Variants in FKBP15 observed in about 807,000 individuals in gnomAD.
The protein encoded by FKBP15 is FK506-binding protein 15.
A neutral mutation model predicts 158.1 loss-of-function variants in FKBP15; 106 were observed. That is an observed-to-expected ratio of 0.67 (90% CI 0.57 to 0.79). FKBP15 has a LOEUF of 0.79. Ranked by LOEUF, FKBP15 falls within the 30% of genes least tolerant of loss-of-function variation. The pLI is 0.00. For missense variants in FKBP15, 1,287 were observed against 1,479.1 expected, an observed-to-expected ratio of 0.87 and a Z score of 2.13; for synonymous variants, 547 against 548.6, an observed-to-expected ratio of 1.00 and a Z score of 0.04.
chr9:113,162,798 G>T lies in FKBP15; in HGVS notation c.*3280C>A, dbSNP rs986670585. ...GTCTCTAATCCATGTCATCCAGGTG[G>T]TCATCGGCTACTTCATCATGCTGGC... On this transcript the variant is annotated 3_prime_UTR_variant, in exon 28 of 28. Coordinates refer to ENST00000238256, the MANE Select transcript of FKBP15 (RefSeq NM_015258.2). The T allele has an allele frequency of 6.2e-7, 1 of 1,613,700 alleles. No individual in the cohort carries two copies. The highest frequency in any genetic ancestry group is 1.3e-5 in the African/African-American group (1 of 74,988).
Position 113,168,496 on chromosome 9 carries a change from G to A in FKBP15, c.3546C>T (p.Pro1182=), listed in dbSNP as rs765998514. Reference sequence around the variant, plus strand: ...CATCCTCCTCCTCAGGCTGTGCTTTGGGCCTCAGAGCTTTCAGAGTTGCCC... The same window carrying A: ...CATCCTCCTCCTCAGGCTGTGCTTTAGGCCTCAGAGCTTTCAGAGTTGCCC... ...FKGATLKALR[P]KAQPEEEDED... The change falls in exon 27 of 28, where the codon CCC becomes CCT. Residue 1182 remains proline (P), a synonymous_variant. Coordinates refer to ENST00000238256, the MANE Select transcript of FKBP15 (RefSeq NM_015258.2). 1.2e-6 allele frequency: 2 copies of A among 1,613,964 alleles called. No individual in the cohort carries two copies. Among genetic ancestry groups the A allele is most frequent in the Non-Finnish European group, 1.7e-6 (2 of 1,179,870 alleles).
rs569032987 is a variant in FKBP15 at position 113,180,031 on chromosome 9, C to T, written c.1915-1230G>A. On this transcript the variant is annotated intron_variant, in intron 19 of 27. Transcript: ENST00000238256. ...GAGCTCAGAGAGCTTTGCATCTATT[C>T]ATAGCTCAGAGTTCACTAATAACAG... 3.9e-5 allele frequency among the ~76,000 whole-genome samples: 6 copies of T among 152,280 alleles called. No individual in the cohort carries two copies. In the East Asian group the frequency reaches 1.2e-3, roughly 29 times the overall value.
At chr9:113,214,156 G>A (rs1204594237) in intron 1 of FKBP15, among the ~76,000 whole-genome samples, 1 of 152,058 alleles carries the variant, frequency 6.6e-6, no homozygotes, top group Non-Finnish European at 1.5e-5. Flanking sequence ...CAAGAAACCT[G>A]GCTAATTTCT....
chr9:113,193,573 C>T (rs1445450454), intron 10 of FKBP15, 24 bp from the exon 11 acceptor site: 5 of 1,580,718 alleles, frequency 3.2e-6, no homozygotes, highest in East Asian at 4.6e-5. Flanking sequence ...GACCATATTC[C>T]AAGATTGAAA....
chr9:113,218,377 T>TTTTATATATATA (rs1346739916), intron 1 of FKBP15, among the ~76,000 whole-genome samples: 3 of 101,500 alleles, frequency 3.0e-5, no homozygotes, highest in African/African-American at 1.2e-4. Flanking sequence ...GTAAATACAA[T>TTTTATATATATA]TATATATATA....
At chr9:113,203,079 G>T in intron 4 of FKBP15, 44 bp from the exon 5 acceptor site, 1 of 1,338,422 alleles carries the variant, frequency 7.5e-7, no homozygotes, top group South Asian at 1.3e-5. Context: ...AAGAGAGACA[G>T]CAGAAGTTAA....
At chr9:113,173,754 T>C (rs2118869238) in intron 22 of FKBP15, 149 bp from the exon 23 acceptor site, 2 of 778,924 alleles carry the variant, frequency 2.6e-6, no homozygotes, top group Middle Eastern at 7.9e-4. Context: ...TCATTACTTT[T>C]AAAATAAATG....
At chr9:113,177,985 ATTTT>A (rs202168159) in intron 20 of FKBP15, among the ~76,000 whole-genome samples, 1 of 151,878 alleles carries the variant, frequency 6.6e-6, no homozygotes, top group Non-Finnish European at 1.5e-5. Context: ...GAGATAAAGG[ATTTT>A]TTTTTAAAGA....
Position 113,198,989 on chromosome 9 carries a change from C to A in FKBP15, c.649-66G>T. 2 of 1,028,100 alleles carry A rather than the reference C, an allele frequency of 1.9e-6. No homozygotes were observed. Among genetic ancestry groups the A allele is most frequent in the South Asian group, 2.7e-5 (2 of 73,236 alleles). 63.7% of individuals were successfully genotyped at this position (1,028,100 alleles called of 1,614,324 possible). ...AAATAATAATAACCATTATGATATT[C>A]AACTAACTACATACCAGCACACTAC... On this transcript the variant is annotated intron_variant, in intron 7 of 27. Transcript: ENST00000238256. The surrounding 1 kb of genome is among the most constrained non-coding windows in gnomAD (Gnocchi z 5.2).
chr9:113,218,400 T>C (rs964511841), intron 1 of FKBP15, among the ~76,000 whole-genome samples: 1 of 128,600 alleles, frequency 7.8e-6, no homozygotes, highest in Middle Eastern at 4.2e-3. Flanking sequence ...TATATATATA[T>C]ATATATATAT....
intron 24 of FKBP15, 75 bp downstream of exon 24, chr9:113,171,506 A>G (rs1049107492): frequency 6.6e-7 from 1 of 1,519,860 alleles, no homozygotes; most frequent in Non-Finnish European, 8.9e-7. Flanking sequence ...AGAGCTATTA[A>G]CACAACATAC....
intron 1 of FKBP15, 70 bp downstream of exon 1, chr9:113,221,121 C>A: frequency 2.7e-6 from 4 of 1,484,428 alleles, no homozygotes; most frequent in Non-Finnish European, 2.7e-6. Flanking sequence ...GAGAAGAGAT[C>A]GACCCCCCTC....
At chr9:113,182,655 TGCAGTGAC>T in intron 19 of FKBP15, 103 bp downstream of exon 19, 1 of 760,992 alleles carries the variant, frequency 1.3e-6, no homozygotes, top group Non-Finnish European at 2.3e-6. Context: ...TAGTTCTTTT[TGCAGTGAC>T]TGCAAAAATT....
In FKBP15 at chr9:113,195,487, TA is replaced by T. The variant is rs1830658319; in HGVS notation, c.865-1319del. ...AAATTGACAGAGAATATAAAAGCTG[TA>T]AAAAAGAAAAAAGGCAGCAGGGCGT... is the stretch of plus-strand genomic sequence containing the variant. On this transcript the variant is annotated intron_variant, in intron 9 of 27. Coordinates refer to ENST00000238256, the MANE Select transcript of FKBP15 (RefSeq NM_015258.2). Among the ~76,000 whole-genome samples, 3 of 151,892 alleles carry T rather than the reference TA, an allele frequency of 2.0e-5. No homozygotes were observed. In the South Asian group the frequency reaches 6.2e-4, roughly 32 times the overall value.
rs563003288 is a variant in FKBP15 at position 113,196,583 on chromosome 9, C to G, written c.864+349G>C. ...TATTTTTAGTAGAGATGGGGTTTCA[C>G]CATGTTAGCCAGGATGGTCTCGATC... On this transcript the variant is annotated intron_variant, in intron 9 of 27. Coordinates refer to ENST00000238256, the MANE Select transcript of FKBP15 (RefSeq NM_015258.2). 6.7e-4 allele frequency among the ~76,000 whole-genome samples: 102 copies of G among 152,126 alleles called. 2 individuals carry two copies. The highest frequency in any genetic ancestry group is 2.1e-3 in the African/African-American group (86 of 41,506).
chr9:113,162,714 T>C lies in FKBP15; in HGVS notation c.*3364A>G. The C allele has an allele frequency of 6.3e-7, 1 of 1,586,296 alleles. No homozygotes were observed. Among genetic ancestry groups the C allele is most frequent in the Non-Finnish European group, 8.6e-7 (1 of 1,164,114 alleles). ...TCCCAGCTTCCTCATTACCAGCTCA[T>C]TACCAGGATTAACTTGCTTCTCCTT... On this transcript the variant is annotated 3_prime_UTR_variant, in exon 28 of 28. Coordinates refer to ENST00000238256, the MANE Select transcript of FKBP15 (RefSeq NM_015258.2).
At chr9:113,203,545 T>C (rs1349229232) in intron 4 of FKBP15, among the ~76,000 whole-genome samples, 1 of 151,976 alleles carries the variant, frequency 6.6e-6, no homozygotes, top group African/African-American at 2.4e-5. Context: ...TTTTTTTCTT[T>C]TTGAGACAGA....
rs368744416 is a variant in FKBP15 at position 113,199,694 on chromosome 9, G to A, written c.648+120C>T. 71 of 1,063,160 alleles carry A rather than the reference G, an allele frequency of 6.7e-5. 1 individual carries two copies. In the East Asian group the frequency reaches 1.9e-3, roughly 28 times the overall value. 65.9% of individuals were successfully genotyped at this position (1,063,160 alleles called of 1,614,324 possible). The stretch of plus-strand genomic sequence containing the variant: ...CCAAAGCAATTGCAGTGTCTAAAGT[G>A]GGGATCCTAAAATATTTCTATTTGA... On this transcript the variant is annotated intron_variant, in intron 7 of 27. Transcript: ENST00000238256.
At position 113,164,106 on chromosome 9, in the gene FKBP15, A is replaced by C. The variant is rs1298474495; in HGVS notation, c.*1972T>G. On this transcript the variant is annotated 3_prime_UTR_variant, in exon 28 of 28. Transcript: ENST00000238256. ...AAGCTTTGGGAATTAAAAACAAACA[A>C]ATACATTTTAGTAAATATATATTTT... 1 of 149,360 alleles carries C rather than the reference A, an allele frequency of 6.7e-6. No homozygotes were observed. Among genetic ancestry groups the C allele is most frequent in the Non-Finnish European group, 1.5e-5 (1 of 66,796 alleles). The allele number at this position is 149,360 out of a possible 1,614,324, so 9.3% of individuals were successfully genotyped here.
Sources: allele counts gnomAD v4.1 joint callset (sites outside exome capture counted in the v4.1 genomes callset), GRCh38; gene constraint gnomAD v4.1.1; non-coding constraint Gnocchi (gnomAD v3.1); transcripts MANE v1.5; gene names NCBI Gene and HGNC (gene_info 2026-07-23, HGNC 2026-07-21).